FAT3: variants seen among roughly 807,000 people sequenced by gnomAD.
FAT3 encodes the protein FAT atypical cadherin 3.
A neutral mutation model predicts 310.2 loss-of-function variants in FAT3; 95 were observed. The observed-to-expected ratio is 0.31, with a 90% CI of 0.26 to 0.36. FAT3 has a LOEUF of 0.36. FAT3 is among the 10% of genes least tolerant of loss of function. FAT3 has a pLI of 1.00. For synonymous variants in FAT3, 2,314 were observed against 2,192.9 expected, an observed-to-expected ratio of 1.06 and a Z score of -1.54; for missense variants, 5,408 against 5,715.6, an observed-to-expected ratio of 0.95 and a Z score of 1.74.
chr11:92,618,672 ATTTATTT>A (rs1940938516), intron 3 of FAT3, among the ~76,000 whole-genome samples: 1 of 152,128 alleles, frequency 6.6e-6, no homozygotes, highest in Admixed American at 6.5e-5. Context: ...ATATAAATAC[ATTTATTT>A]TTTATACTTT....
At chr11:92,311,658 A>G (rs1947308252) in intron 1 of FAT3, among the ~76,000 whole-genome samples, 1 of 152,232 alleles carries the variant, frequency 6.6e-6, no homozygotes, top group Non-Finnish European at 1.5e-5. Context: ...AATCTGGGTG[A>G]AAGGAGGACA....
intron 3 of FAT3, among the ~76,000 whole-genome samples, chr11:92,563,180 T>C (rs602439): frequency 0.15 from 23,029 of 152,146 alleles, 1,940 homozygotes; most frequent in East Asian, 0.29. Flanking sequence ...GAGTAATTGC[T>C]CAGAAAATAT....
rs540722432 is a variant in FAT3 at position 92,541,333 on chromosome 11, G to C, written c.3607+16385G>C. ...ATATGCATCACTGATACTGAGCAGGGATTTCTCAACTCATTTTTGTAGCAA... is the reference window on the plus strand; with the variant it reads ...ATATGCATCACTGATACTGAGCAGGCATTTCTCAACTCATTTTTGTAGCAA... On this transcript the variant is annotated intron_variant, in intron 3 of 27. Coordinates refer to ENST00000525166, the MANE Select transcript of FAT3 (RefSeq NM_001367949.2). Among the ~76,000 whole-genome samples, 13 of 152,264 alleles carry C rather than the reference G, an allele frequency of 8.5e-5. No homozygotes were observed. The East Asian group carries it at 2.5e-3, about 29-fold the overall frequency.
chr11:92,329,896 C>G (rs1947868307), intron 1 of FAT3, among the ~76,000 whole-genome samples: 1 of 151,564 alleles, frequency 6.6e-6, no homozygotes, highest in Non-Finnish European at 1.5e-5. Context: ...GAAGTTTGCA[C>G]ACTGGGTGAT....
intron 13 of FAT3, among the ~76,000 whole-genome samples, chr11:92,829,333 A>G (rs1489362448): frequency 1.3e-5 from 2 of 152,226 alleles, no homozygotes; most frequent in African/African-American, 2.4e-5. Flanking sequence ...GCAGCGTACC[A>G]TATGCTGGAG....
intron 1 of FAT3, among the ~76,000 whole-genome samples, chr11:92,287,604 C>A (rs149275069): frequency 3.3e-5 from 5 of 152,128 alleles, no homozygotes; most frequent in Non-Finnish European, 5.9e-5. Flanking sequence ...AAATCCCAAG[C>A]CTTTCAAATC....
At chr11:92,791,694 A>G (rs1168926267) in intron 8 of FAT3, among the ~76,000 whole-genome samples, 1 of 152,170 alleles carries the variant, frequency 6.6e-6, no homozygotes, top group Non-Finnish European at 1.5e-5. Context: ...TCTTCTTGGT[A>G]TATTTTCTAA....
chr11:92,774,259 G>C lies in FAT3; in HGVS notation c.4335+79G>C. ...GGGGTGCAAGCAATGAAAAAAAAAT[G>C]TAATGGAAGTAGTAAATTATGTCGA... On this transcript the variant is annotated intron_variant, in intron 7 of 27. Coordinates refer to ENST00000525166, the MANE Select transcript of FAT3 (RefSeq NM_001367949.2). The C allele has an allele frequency of 2.2e-6, 3 of 1,379,406 alleles. No homozygotes were observed. In the South Asian group the frequency reaches 4.5e-5, roughly 21 times the overall value. The allele number at this position is 1,379,406 out of a possible 1,614,324, so 85.4% of individuals were successfully genotyped here.
chr11:92,687,295 T>C (rs1272614181), intron 3 of FAT3, among the ~76,000 whole-genome samples: 2 of 152,188 alleles, frequency 1.3e-5, no homozygotes, highest in Non-Finnish European at 2.9e-5. Flanking sequence ...TCAGAGAAGT[T>C]ATGTAAGTTT....
intron 2 of FAT3, among the ~76,000 whole-genome samples, chr11:92,475,545 T>G (rs1004593408): frequency 1.3e-5 from 2 of 151,962 alleles, no homozygotes; most frequent in African/African-American, 4.8e-5. Flanking sequence ...CTTGAAACTC[T>G]CACTCTTATG....
chr11:92,233,854 G>A (rs1055423468), intron 1 of FAT3, among the ~76,000 whole-genome samples: 1 of 152,158 alleles, frequency 6.6e-6, no homozygotes, highest in African/African-American at 2.4e-5. Context: ...GTAATAACTT[G>A]CAATAATCAC....
intron 3 of FAT3, among the ~76,000 whole-genome samples, chr11:92,598,821 T>G (rs891357526): frequency 6.6e-6 from 1 of 152,178 alleles, no homozygotes; most frequent in African/African-American, 2.4e-5. Context: ...TTCTCCTATG[T>G]GATGATGACA....
chr11:92,867,273 G>A (rs1221671436), intron 22 of FAT3, 64 bp downstream of exon 22: 2 of 1,438,280 alleles, frequency 1.4e-6, no homozygotes, highest in African/African-American at 2.8e-5. Context: ...TGAACTGCAG[G>A]GGGATCCCTG....
chr11:92,704,259 C>G (rs1944195583), intron 4 of FAT3, among the ~76,000 whole-genome samples: 1 of 152,174 alleles, frequency 6.6e-6, no homozygotes, highest in Non-Finnish European at 1.5e-5. Flanking sequence ...ATACTCTGGC[C>G]TGCCCCATCC....
chr11:92,337,349 G>A (rs1467291077), intron 1 of FAT3, among the ~76,000 whole-genome samples: 1 of 152,186 alleles, frequency 6.6e-6, no homozygotes, highest in Non-Finnish European at 1.5e-5. Flanking sequence ...AAACATAAAA[G>A]TAATGGAAGG....
At chr11:92,583,645 C>T (rs1193576567) in intron 3 of FAT3, among the ~76,000 whole-genome samples, 16 of 151,820 alleles carry the variant, frequency 1.1e-4, no homozygotes, top group Admixed American at 1.1e-3. Context: ...CCCGCTTTAC[C>T]CAGCCCTGCC....
intron 3 of FAT3, among the ~76,000 whole-genome samples, chr11:92,578,058 G>C (rs1475868113): frequency 1.3e-5 from 2 of 152,082 alleles, no homozygotes; most frequent in African/African-American, 4.8e-5. Context: ...CCTATAGTAT[G>C]CACAGTATGA....
At chr11:92,703,176 A>C (rs1478523942) in intron 4 of FAT3, among the ~76,000 whole-genome samples, 1 of 152,054 alleles carries the variant, frequency 6.6e-6, no homozygotes, top group East Asian at 1.9e-4. Context: ...GGAAAAAAAT[A>C]TTGTTCTTTA....
intron 19 of FAT3, among the ~76,000 whole-genome samples, chr11:92,852,314 A>G (rs934514740): frequency 6.6e-6 from 1 of 152,212 alleles, no homozygotes; most frequent in Non-Finnish European, 1.5e-5. Flanking sequence ...CTAGGCATAC[A>G]CTGCAGTTTG....
Sources: gnomAD v4.1 joint callset for allele counts (sites outside exome capture counted in the v4.1 genomes callset) on GRCh38, gnomAD v4.1.1 for gene constraint, MANE v1.5 for transcripts, NCBI Gene and HGNC (gene_info 2026-07-23, HGNC 2026-07-21) for gene names.